C3orf49: variants seen among roughly 807,000 people sequenced by gnomAD.
C3orf49 encodes putative uncharacterized protein C3orf49.
In C3orf49, 27 loss-of-function variants were observed where a neutral mutation model predicts 13.3. The observed-to-expected ratio is 2.02, with a 90% CI of 1.49 to 2.79. C3orf49 has a LOEUF of 2.79. Ranked by LOEUF, C3orf49 falls within the 30% of genes most tolerant of loss-of-function variation. C3orf49 has a pLI of 0.00. For synonymous variants in C3orf49, 87 were observed against 47.6 expected, an observed-to-expected ratio of 1.83 and a Z score of -3.40; for missense variants, 242 against 134.2, an observed-to-expected ratio of 1.80 and a Z score of -3.97.
the C3orf49 span, among the ~76,000 whole-genome samples, chr3:63,783,275 A>G: frequency 1.2e-3 from 188 of 152,314 alleles, no homozygotes; most frequent in African/African-American, 4.3e-3. Flanking sequence ...AATAAAAACT[A>G]AACCAGTTTT....
intron 2 of C3orf49, among the ~76,000 whole-genome samples, chr3:63,826,088 A>C (rs1701462217): frequency 6.6e-6 from 1 of 152,230 alleles, no homozygotes; most frequent in Admixed American, 6.5e-5. Flanking sequence ...TGGAGGTTGG[A>C]ACACAGAGAG....
chr3:63,782,983 G>A, the C3orf49 span: 1 of 152,206 alleles, frequency 6.6e-6, no homozygotes, highest in African/African-American at 2.4e-5. Context: ...TTTTAACAGA[G>A]ATGTGTAGGG....
chr3:63,833,979 G>T, intron 5 of C3orf49: 1 of 671,932 alleles, frequency 1.5e-6, no homozygotes, highest in Non-Finnish European at 2.4e-6. Flanking sequence ...ATTTTCCTTT[G>T]TGAGAGGAAA....
the C3orf49 span, among the ~76,000 whole-genome samples, chr3:63,809,497 G>A: frequency 3.3e-5 from 5 of 152,162 alleles, no homozygotes; most frequent in Non-Finnish European, 7.4e-5. Flanking sequence ...TGGCCAATGT[G>A]CTAAACCTGA....
the C3orf49 span, among the ~76,000 whole-genome samples, chr3:63,796,400 T>C: frequency 6.6e-6 from 1 of 152,184 alleles, no homozygotes; most frequent in Admixed American, 6.6e-5. Context: ...TCCAGAATCC[T>C]TACCAATGTT....
the C3orf49 span, chr3:63,780,030 TG>T: frequency 1.3e-5 from 2 of 152,228 alleles, no homozygotes; most frequent in Non-Finnish European, 2.9e-5. Flanking sequence ...AGGGTACATG[TG>T]CACAATGTGC....
At chr3:63,841,392 G>C (rs1183725308) in intron 5 of C3orf49, among the ~76,000 whole-genome samples, 1 of 152,132 alleles carries the variant, frequency 6.6e-6, no homozygotes. Context: ...GTTTTTTATA[G>C]TACGCAGTAA....
chr3:63,813,084 C>T, the C3orf49 span, among the ~76,000 whole-genome samples: 2 of 152,202 alleles, frequency 1.3e-5, no homozygotes, highest in Non-Finnish European at 2.9e-5. Flanking sequence ...TCCTTACCTG[C>T]GCGTCGGAAC....
the C3orf49 span, among the ~76,000 whole-genome samples, chr3:63,798,230 TC>T: frequency 6.6e-6 from 1 of 152,108 alleles, no homozygotes; most frequent in African/African-American, 2.4e-5. Flanking sequence ...GATCACAGGA[TC>T]TTTTATTTTT....
chr3:63,820,947 C>T (rs1701385758), intron 1 of C3orf49, among the ~76,000 whole-genome samples: 1 of 152,162 alleles, frequency 6.6e-6, no homozygotes, highest in African/African-American at 2.4e-5. Context: ...TGTGGGCTCC[C>T]TGCTTGCCTT....
At chr3:63,837,873 A>G in intron 5 of C3orf49, 1 of 957,406 alleles carries the variant, frequency 1.0e-6, no homozygotes, top group Non-Finnish European at 1.5e-6. Context: ...TTTTTAATCC[A>G]GGTTGATTCA....
the C3orf49 span, chr3:63,805,130 G>A: frequency 1.3e-5 from 2 of 152,158 alleles, no homozygotes; most frequent in African/African-American, 4.8e-5. Flanking sequence ...AGAGAAGCAT[G>A]AGGTGAGACA....
chr3:63,823,132 A>ATT, intron 1 of C3orf49, 118 bp from the exon 2 acceptor site: 29 of 518,666 alleles, frequency 5.6e-5, no homozygotes, highest in South Asian at 2.0e-4. Flanking sequence ...CTTCAATTTC[A>ATT]TTTTTTTTTT....
the C3orf49 span, among the ~76,000 whole-genome samples, chr3:63,790,133 G>T: frequency 1.3e-5 from 2 of 152,068 alleles, no homozygotes; most frequent in South Asian, 4.2e-4. Flanking sequence ...CCCAGCCTCA[G>T]AATCCTTCTC....
Position 63,837,893 on chromosome 3 carries a change from T to C in C3orf49, c.849+6049T>C. ...AATCCAGGTTGATTCAGGCTGCAGA[T>C]TTTACCTCACAACATTAAAAACTGC... On this transcript the variant is annotated intron_variant, in intron 5 of 6. Coordinates refer to ENST00000295896, the MANE Select transcript of C3orf49 (RefSeq NM_001355236.2). 7.0e-6 allele frequency: 9 copies of C among 1,280,850 alleles called. No individual in the cohort carries two copies. In the South Asian group the frequency reaches 1.2e-4, roughly 17 times the overall value. 79.3% of individuals were successfully genotyped at this position (1,280,850 alleles called of 1,614,324 possible).
rs1352667059 is a variant in C3orf49, at chr3:63,831,753, AGT to A, written c.762_763del (p.Cys254Ter). ...GCCCAAAGACATGCTGAGCTTCAAC[AGT>A]GTGAGTTTCTGGGGGATGAAATTCT... On this transcript the variant is annotated frameshift_variant, in exon 5 of 7. Coordinates refer to ENST00000295896, the MANE Select transcript of C3orf49 (RefSeq NM_001355236.2). LOFTEE classifies it high-confidence loss of function. 5.7e-6 allele frequency: 4 copies of A among 703,132 alleles called. No homozygotes were observed. Among genetic ancestry groups the A allele is most frequent in the Non-Finnish European group, 1.0e-5 (4 of 385,032 alleles). 43.6% of individuals were successfully genotyped at this position (703,132 alleles called of 1,614,324 possible).
the C3orf49 span, among the ~76,000 whole-genome samples, chr3:63,796,640 TATAG>T: frequency 1.3e-5 from 2 of 152,214 alleles, no homozygotes; most frequent in Non-Finnish European, 2.9e-5. Flanking sequence ...TATATGACTT[TATAG>T]ATAGTGTGGG....
the C3orf49 span, chr3:63,782,430 A>T: frequency 6.6e-6 from 1 of 152,228 alleles, no homozygotes; most frequent in African/African-American, 2.4e-5. Context: ...TTATGATCTT[A>T]CCTGTAGATA....
chr3:63,830,620 G>A (rs1701520511), intron 3 of C3orf49, among the ~76,000 whole-genome samples: 1 of 152,154 alleles, frequency 6.6e-6, no homozygotes, highest in Non-Finnish European at 1.5e-5. Flanking sequence ...AGGGACAATG[G>A]GAAAAGTATC....
Sources: allele counts gnomAD v4.1 joint callset (sites outside exome capture counted in the v4.1 genomes callset), GRCh38; gene constraint gnomAD v4.1.1; transcripts MANE v1.5; gene names NCBI Gene and HGNC (gene_info 2026-07-23, HGNC 2026-07-21).